Variants in PDZD2 observed in about 807,000 individuals in gnomAD.
The protein encoded by PDZD2 is PDZ domain-containing protein 2.
PDZD2 carries 90 observed loss-of-function variants against 220.7 expected under a neutral mutation model. The observed-to-expected ratio is 0.41, with a 90% CI of 0.34 to 0.49. The LOEUF is 0.49. Among genes scored for constraint, PDZD2 ranks in the 20% least tolerant of loss-of-function variants. The pLI, the probability that PDZD2 is intolerant of heterozygous loss-of-function variation, is 0.28. For missense variants in PDZD2, 3,174 were observed against 3,608.5 expected (o/e 0.88, Z 3.08); for synonymous variants, 1,375 against 1,450.5 (o/e 0.95, Z 1.18).
In PDZD2 at chr5:32,058,622, C is replaced by T. The variant is rs970400030; in HGVS notation, c.2200+519C>T. 4.9e-5 allele frequency among the ~76,000 whole-genome samples: 7 copies of T among 142,658 alleles called. No individual in the cohort carries two copies. In the East Asian group the frequency reaches 8.2e-4, roughly 17 times the overall value. The allele number at this position is 142,658 out of a possible 152,430, so 93.6% of individuals were successfully genotyped here. A position where few individuals can be genotyped will look rare whatever the true frequency, so the allele number is the denominator to read the frequency against. ...CCGGGAGGCAGAGGTTGCAGTGAGC[C>T]GAGATCGTGCCACTGCACTCTAGCC... is the stretch of plus-strand genomic sequence containing the variant. On this transcript the variant is annotated intron_variant, in intron 12 of 24. Transcript: ENST00000438447.
intron 1 of PDZD2, among the ~76,000 whole-genome samples, chr5:31,702,207 CT>C (rs1747639790): frequency 6.6e-6 from 1 of 152,194 alleles, no homozygotes; most frequent in Non-Finnish European, 1.5e-5. Flanking sequence ...GTGCCAAGCC[CT>C]TTGTTAGTGG....
chr5:31,855,098 C>G, intron 2 of PDZD2: 1 of 985,406 alleles, frequency 1.0e-6, no homozygotes, highest in Non-Finnish European at 1.2e-6. Flanking sequence ...TACCCGGCGC[C>G]CAGCTGCTGC....
At chr5:31,819,385 G>A (rs1038481068) in intron 2 of PDZD2, among the ~76,000 whole-genome samples, 5 of 152,022 alleles carry the variant, frequency 3.3e-5, no homozygotes, top group African/African-American at 7.2e-5. Context: ...GGCTGGGTGT[G>A]GTGGCCCACA....
chr5:32,025,201 C>T (rs933872939), intron 6 of PDZD2, among the ~76,000 whole-genome samples: 8 of 152,128 alleles, frequency 5.3e-5, no homozygotes, highest in Admixed American at 4.6e-4. Context: ...GGGAAGGCAG[C>T]GGAAGGCCAG....
At position 31,996,177 on chromosome 5, in the gene PDZD2, T is replaced by A. The variant is rs866408837; in HGVS notation, c.1121+459T>A. On this transcript the variant is annotated intron_variant, in intron 4 of 24. Coordinates refer to ENST00000438447, the MANE Select transcript of PDZD2 (RefSeq NM_178140.4). ...GCTCCACTTGTCAGGTCTATCAGGA[T>A]TTCAGGCATACTTAGATATATGTAT... is the stretch of plus-strand genomic sequence containing the variant. Among the ~76,000 whole-genome samples, 42 of 152,282 alleles carry A rather than the reference T, an allele frequency of 2.8e-4. No homozygotes were observed. In the Middle Eastern group the frequency reaches 0.01, roughly 37 times the overall value.
intron 1 of PDZD2, among the ~76,000 whole-genome samples, chr5:31,674,912 AG>A (rs916692905): frequency 2.3e-4 from 35 of 152,270 alleles, no homozygotes; most frequent in African/African-American, 8.4e-4. Flanking sequence ...CCTCTGACCC[AG>A]GGGGGTGGAG....
chr5:32,067,891 T>C (rs1434099886), intron 14 of PDZD2, among the ~76,000 whole-genome samples: 1 of 152,218 alleles, frequency 6.6e-6, no homozygotes, highest in Non-Finnish European at 1.5e-5. Context: ...ATAGTCATAC[T>C]TGATTTAAGC....
chr5:31,742,290 G>GGA (rs1750310421), intron 1 of PDZD2: 1 of 152,194 alleles, frequency 6.6e-6, no homozygotes, highest in African/African-American at 2.4e-5. Flanking sequence ...AAGCACGTGG[G>GGA]CTGAGCTTGA....
intron 2 of PDZD2, among the ~76,000 whole-genome samples, chr5:31,887,454 C>A (rs917771099): frequency 6.6e-6 from 1 of 152,164 alleles, no homozygotes; most frequent in African/African-American, 2.4e-5. Context: ...CATCCACAGG[C>A]TTAATTTTGT....
At chr5:32,058,686 A>T (rs1177761811) in intron 12 of PDZD2, among the ~76,000 whole-genome samples, 1 of 151,618 alleles carries the variant, frequency 6.6e-6, no homozygotes, top group Admixed American at 6.6e-5. Context: ...AAAAAAAAAA[A>T]AAAAAAATTC....
chr5:31,890,676 G>A (rs1740949353), intron 2 of PDZD2, among the ~76,000 whole-genome samples: 2 of 152,154 alleles, frequency 1.3e-5, no homozygotes, highest in African/African-American at 2.4e-5. Context: ...TGTGGGCTGT[G>A]TATTTAATCT....
intron 1 of PDZD2, among the ~76,000 whole-genome samples, chr5:31,779,443 C>T (rs570092783): frequency 6.9e-5 from 6 of 86,416 alleles, no homozygotes; most frequent in South Asian, 7.0e-4. Flanking sequence ...GGCGCAATCT[C>T]GGCTCCCTGC....
intron 2 of PDZD2, among the ~76,000 whole-genome samples, chr5:31,810,500 T>C (rs200469845): frequency 2.0e-5 from 3 of 152,140 alleles, no homozygotes; most frequent in Non-Finnish European, 4.4e-5. Context: ...CTCCTGACCT[T>C]GTGATCCGCC....
At chr5:31,775,017 A>G (rs940686401) in intron 1 of PDZD2, among the ~76,000 whole-genome samples, 1 of 152,194 alleles carries the variant, frequency 6.6e-6, no homozygotes, top group African/African-American at 2.4e-5. Flanking sequence ...CCAGCTTGCA[A>G]ACTTCCTGAA....
chr5:32,026,704 A>G (rs1754694489), intron 6 of PDZD2, among the ~76,000 whole-genome samples: 1 of 152,154 alleles, frequency 6.6e-6, no homozygotes, highest in African/African-American at 2.4e-5. Flanking sequence ...GCCAGCCCCC[A>G]AATCCAAAGA....
intron 2 of PDZD2, among the ~76,000 whole-genome samples, chr5:31,884,441 A>G (rs1241810987): frequency 1.3e-5 from 2 of 152,156 alleles, no homozygotes; most frequent in East Asian, 3.9e-4. Flanking sequence ...TCTGAGAAAC[A>G]CTTTGGAATC....
At chr5:32,106,287 C>G (rs150148657) in intron 24 of PDZD2, 1 of 152,426 alleles carries the variant, frequency 6.6e-6, no homozygotes, top group Non-Finnish European at 1.5e-5. Flanking sequence ...TTCACACTCA[C>G]GTGAGAATCT....
chr5:31,748,202 T>C (rs1750715819), intron 1 of PDZD2: 2 of 152,180 alleles, frequency 1.3e-5, no homozygotes. Context: ...AGATATTTGA[T>C]CAGACAAATA....
At chr5:31,953,802 CCACCA>C (rs1488812398) in intron 2 of PDZD2, among the ~76,000 whole-genome samples, 1 of 152,032 alleles carries the variant, frequency 6.6e-6, no homozygotes, top group Non-Finnish European at 1.5e-5. Context: ...CAGGCATGTG[CCACCA>C]TACCCAGCTA....
Sources: gnomAD v4.1 joint callset for allele counts (sites outside exome capture counted in the v4.1 genomes callset) on GRCh38, gnomAD v4.1.1 for gene constraint, MANE v1.5 for transcripts, NCBI Gene and HGNC (gene_info 2026-07-23, HGNC 2026-07-21) for gene names.